FDCSP: variants seen among roughly 807,000 people sequenced by gnomAD.
FDCSP encodes follicular dendritic cell secreted protein, also known as follicular dendritic cell secreted peptide.
FDCSP carries 8 observed loss-of-function variants against 8.9 expected under a neutral mutation model. The ratio of observed to expected loss-of-function variants is 0.90; its 90% CI spans 0.53 to 1.63. FDCSP has a LOEUF of 1.63. FDCSP is among the 40% of genes most tolerant of loss of function. The pLI, the probability that FDCSP is intolerant of heterozygous loss-of-function variation, is 0.00. For synonymous variants in FDCSP, 34 were observed against 34.5 expected (o/e 0.98, Z 0.06); for missense variants, 101 against 103.6 (o/e 0.98, Z 0.11).
At chr4:70,231,165 T>A (rs747113546) in intron 1 of FDCSP, 30 bp from the exon 2 acceptor site, 1 of 1,560,426 alleles carries the variant, frequency 6.4e-7, no homozygotes, top group Admixed American at 1.8e-5. Flanking sequence ...ATGAAAGTTC[T>A]TCTTATTTTT....
At chr4:70,234,605 GC>G (rs1296527440) in intron 4 of FDCSP, among the ~76,000 whole-genome samples, 2 of 151,410 alleles carry the variant, frequency 1.3e-5, no homozygotes, top group African/African-American at 2.4e-5. Flanking sequence ...GACCAGCTTA[GC>G]CCTTAGAGAA....
At chr4:70,232,847 TTTC>T in intron 2 of FDCSP, 144 bp from the exon 3 acceptor site, 1 of 723,356 alleles carries the variant, frequency 1.4e-6, no homozygotes, top group South Asian at 1.8e-5. Flanking sequence ...GGGAAAATCA[TTTC>T]TACATTTCTA....
chr4:70,233,936 G>T lies in FDCSP; in HGVS notation c.91-84G>T, dbSNP rs770640264. 88 of 1,277,902 alleles carry T rather than the reference G, an allele frequency of 6.9e-5. No homozygotes were observed. The South Asian group carries it at 7.5e-4, about 11-fold the overall frequency. The allele number at this position is 1,277,902 out of a possible 1,614,324, so 79.2% of individuals were successfully genotyped here. A position where few individuals can be genotyped will look rare whatever the true frequency, so the allele number is the denominator to read the frequency against. On this transcript the variant is annotated intron_variant, in intron 3 of 4. Transcript: ENST00000317987. ...CTAAAGCCTCTTCCTAAAAATAAAG[G>T]CCCATTATTTAAAAAGCAAAGCTGT...
chr4:70,229,859 T>G (rs1560491902), intron 1 of FDCSP, among the ~76,000 whole-genome samples: 1 of 151,760 alleles, frequency 6.6e-6, no homozygotes, highest in Admixed American at 6.6e-5. Flanking sequence ...TATAATGTCT[T>G]ATAGATATCA....
At chr4:70,227,055 C>T (rs935343037) in intron 1 of FDCSP, among the ~76,000 whole-genome samples, 14 of 151,904 alleles carry the variant, frequency 9.2e-5, no homozygotes, top group African/African-American at 3.1e-4. Flanking sequence ...GTATATATCA[C>T]GCTTTTTTTT....
Position 70,235,124 on chromosome 4 carries a change from C to A in FDCSP, c.*68C>A, listed in dbSNP as rs543976698. On this transcript the variant is annotated 3_prime_UTR_variant, in exon 5 of 5. Transcript: ENST00000317987. ...AAATTGAGCCACTTCCTTGAAGAAT[C>A]AAAATTCCTGTTAATAAAAGAAAAA... 4.6e-5 allele frequency: 7 copies of A among 151,664 alleles called. No homozygotes were observed. The highest frequency in any genetic ancestry group is 1.0e-4 in the Non-Finnish European group (7 of 67,806). 9.4% of individuals were successfully genotyped at this position (151,664 alleles called of 1,614,324 possible).
At chr4:70,226,427 T>C (rs564313715) in intron 1 of FDCSP, among the ~76,000 whole-genome samples, 2 of 151,992 alleles carry the variant, frequency 1.3e-5, no homozygotes, top group East Asian at 3.9e-4. Flanking sequence ...AGAGTGACCA[T>C]AAATGAATCT....
chr4:70,234,409 C>A (rs1425326506), intron 4 of FDCSP, among the ~76,000 whole-genome samples, 194 bp downstream of exon 4: 4 of 151,546 alleles, frequency 2.6e-5, no homozygotes, highest in African/African-American at 9.7e-5. Flanking sequence ...ATGATCTAAC[C>A]AGCACAGCAC....
intron 1 of FDCSP, among the ~76,000 whole-genome samples, chr4:70,229,706 T>C (rs1241101237): frequency 2.0e-5 from 3 of 151,548 alleles, no homozygotes; most frequent in Non-Finnish European, 3.0e-5. Context: ...AGTGGAGCAA[T>C]CGAAACATTC....
At chr4:70,227,907 G>A (rs906485056) in intron 1 of FDCSP, among the ~76,000 whole-genome samples, 10 of 151,842 alleles carry the variant, frequency 6.6e-5, no homozygotes, top group African/African-American at 2.2e-4. Flanking sequence ...TCTTCACTGA[G>A]TCATAATCTT....
intron 1 of FDCSP, 95 bp from the exon 2 acceptor site, chr4:70,231,100 T>A: frequency 2.1e-6 from 2 of 958,806 alleles, no homozygotes; most frequent in Non-Finnish European, 3.1e-6. Flanking sequence ...GTACTTTAAC[T>A]GGATCTTTTA....
intron 2 of FDCSP, 135 bp downstream of exon 2, chr4:70,231,386 T>C: frequency 3.4e-6 from 2 of 583,644 alleles, no homozygotes; most frequent in South Asian, 7.8e-5. Flanking sequence ...GGCTTACGCC[T>C]GTATTCCCTG....
chr4:70,234,480 T>G (rs2109687514), intron 4 of FDCSP, among the ~76,000 whole-genome samples: 1 of 151,774 alleles, frequency 6.6e-6, no homozygotes, highest in Admixed American at 6.6e-5. Context: ...AAAATATTGT[T>G]TACAAAGTAT....
intron 1 of FDCSP, among the ~76,000 whole-genome samples, chr4:70,228,431 T>C (rs1386382632): frequency 6.6e-6 from 1 of 151,862 alleles, no homozygotes. Flanking sequence ...CTTGAATCCC[T>C]CAAAGTCATC....
chr4:70,229,707 C>A (rs1335003739), intron 1 of FDCSP, among the ~76,000 whole-genome samples: 2 of 151,492 alleles, frequency 1.3e-5, no homozygotes, highest in Non-Finnish European at 3.0e-5. Flanking sequence ...GTGGAGCAAT[C>A]GAAACATTCA....
At chr4:70,233,350 T>A (rs1378596718) in intron 3 of FDCSP, among the ~76,000 whole-genome samples, 6 of 151,704 alleles carry the variant, frequency 4.0e-5, no homozygotes, top group Non-Finnish European at 5.9e-5. Flanking sequence ...ATGAAACTCA[T>A]TTCAAAAAAA....
Position 70,228,627 on chromosome 4 carries a change from A to G in FDCSP, c.-1+2445A>G, listed in dbSNP as rs746687733. Among the ~76,000 whole-genome samples, 19 of 151,946 alleles carry G rather than the reference A, an allele frequency of 1.3e-4. 1 individual carries two copies. The highest frequency in any genetic ancestry group is 3.9e-4 in the Admixed American group (6 of 15,210). ...TGCCAGCTATAGCCTTACAAAATGT[A>G]TTTATTTAATAATGAAACCTGAAAG... On this transcript the variant is annotated intron_variant, in intron 1 of 4. Coordinates refer to ENST00000317987, the MANE Select transcript of FDCSP (RefSeq NM_152997.4).
intron 1 of FDCSP, among the ~76,000 whole-genome samples, chr4:70,230,328 C>T (rs1025912020): frequency 2.6e-5 from 4 of 151,638 alleles, no homozygotes; most frequent in Non-Finnish European, 1.5e-5. Context: ...AAGTAATATG[C>T]ACATGTTTAT....
At chr4:70,226,943 T>C (rs1167355700) in intron 1 of FDCSP, among the ~76,000 whole-genome samples, 2 of 151,924 alleles carry the variant, frequency 1.3e-5, no homozygotes, top group South Asian at 2.1e-4. Flanking sequence ...AGAAATTATA[T>C]TGTAAAGGCC....
Sources: gnomAD v4.1 joint callset for allele counts (sites outside exome capture counted in the v4.1 genomes callset) on GRCh38, gnomAD v4.1.1 for gene constraint, MANE v1.5 for transcripts, NCBI Gene and HGNC (gene_info 2026-07-23, HGNC 2026-07-21) for gene names.